Variants in CRYBG1 observed in about 807,000 individuals in gnomAD.
CRYBG1 encodes the protein crystallin beta-gamma domain containing 1.
CRYBG1 carries 139 observed loss-of-function variants against 189.2 expected under a neutral mutation model. The observed-to-expected ratio is 0.73, with a 90% CI of 0.64 to 0.85. The LOEUF is 0.85. CRYBG1 is among the 40% of genes least tolerant of loss of function. CRYBG1 has a pLI of 0.00. For missense variants in CRYBG1, 2,611 were observed against 2,675.8 expected (o/e 0.98, Z 0.53); for synonymous variants, 1,023 against 1,017.1 (o/e 1.01, Z -0.11).
At chr6:106,407,916 A>C (rs559948270) in intron 1 of CRYBG1, among the ~76,000 whole-genome samples, 2 of 152,322 alleles carry the variant, frequency 1.3e-5, no homozygotes, top group African/African-American at 4.8e-5. Context: ...CCACAAGAGA[A>C]AGCAAGAAAG....
intron 10 of CRYBG1, among the ~76,000 whole-genome samples, 195 bp downstream of exon 10, chr6:106,541,816 G>C (rs1774136810): frequency 6.6e-6 from 1 of 152,152 alleles, no homozygotes; most frequent in African/African-American, 2.4e-5. Flanking sequence ...CTTCAGGGTG[G>C]AAGATGATGC....
chr6:106,429,856 G>A (rs1056305338), intron 1 of CRYBG1, among the ~76,000 whole-genome samples: 17 of 152,204 alleles, frequency 1.1e-4, no homozygotes, highest in African/African-American at 3.9e-4. Flanking sequence ...AGCAATCACT[G>A]GATAAAATGT....
At chr6:106,418,940 G>T (rs1029562321) in intron 1 of CRYBG1, among the ~76,000 whole-genome samples, 6 of 152,214 alleles carry the variant, frequency 3.9e-5, no homozygotes, top group African/African-American at 1.2e-4. Flanking sequence ...TTTACATAGG[G>T]CCTAAAGATT....
chr6:106,378,033 C>T (rs920831668), intron 1 of CRYBG1, among the ~76,000 whole-genome samples: 8 of 152,110 alleles, frequency 5.3e-5, no homozygotes, highest in Non-Finnish European at 1.0e-4. Context: ...GCTCCCTAAC[C>T]AGCCTGTTGA....
At chr6:106,433,192 AAAC>A (rs1347849850) in intron 1 of CRYBG1, among the ~76,000 whole-genome samples, 2 of 152,222 alleles carry the variant, frequency 1.3e-5, no homozygotes, top group Non-Finnish European at 2.9e-5. Context: ...ACAAAAAATA[AAAC>A]AACTCTTATT....
intron 2 of CRYBG1, among the ~76,000 whole-genome samples, chr6:106,464,033 C>T (rs571868127): frequency 6.6e-6 from 1 of 152,286 alleles, no homozygotes; most frequent in East Asian, 1.9e-4. Flanking sequence ...AAATGGACAA[C>T]TGTAATTTAA....
intron 1 of CRYBG1, among the ~76,000 whole-genome samples, chr6:106,421,266 A>G (rs1771116810): frequency 6.6e-6 from 1 of 152,218 alleles, no homozygotes; most frequent in Non-Finnish European, 1.5e-5. Context: ...ATAAGAATGG[A>G]GGGAGAACCA....
chr6:106,538,395 G>C (rs959892350), intron 8 of CRYBG1, among the ~76,000 whole-genome samples: 1 of 152,110 alleles, frequency 6.6e-6, no homozygotes, highest in Non-Finnish European at 1.5e-5. Flanking sequence ...CTGATAGAAG[G>C]GTGTGGTATT....
chr6:106,436,714 G>GT (rs1413356124), intron 1 of CRYBG1, among the ~76,000 whole-genome samples: 18 of 152,066 alleles, frequency 1.2e-4, no homozygotes, highest in African/African-American at 4.1e-4. Flanking sequence ...ACCTGAATGG[G>GT]TTTTTTGCAA....
chr6:106,404,616 G>T (rs138153919), intron 1 of CRYBG1, among the ~76,000 whole-genome samples: 1 of 150,912 alleles, frequency 6.6e-6, no homozygotes. Flanking sequence ...GAACAGCTCC[G>T]GTCTGCAGCT....
At chr6:106,367,181 C>G (rs1158266831) in intron 1 of CRYBG1, among the ~76,000 whole-genome samples, 1 of 152,214 alleles carries the variant, frequency 6.6e-6, no homozygotes, top group African/African-American at 2.4e-5. Context: ...TCCACACTTT[C>G]CATCACAATC....
chr6:106,462,356 G>C (rs1293087859), intron 2 of CRYBG1, among the ~76,000 whole-genome samples: 1 of 152,120 alleles, frequency 6.6e-6, no homozygotes, highest in African/African-American at 2.4e-5. Flanking sequence ...ATTTTTAGTA[G>C]AGACAGGGTT....
chr6:106,524,648 C>G (rs1323602378), intron 4 of CRYBG1, among the ~76,000 whole-genome samples: 6 of 152,094 alleles, frequency 3.9e-5, no homozygotes, highest in Non-Finnish European at 5.9e-5. Flanking sequence ...TCTATTTAGA[C>G]TAGTGGTTGT....
intron 3 of CRYBG1, among the ~76,000 whole-genome samples, chr6:106,517,281 A>AAT (rs1262065398): frequency 6.8e-5 from 10 of 147,260 alleles, no homozygotes; most frequent in African/African-American, 2.0e-4. Flanking sequence ...AAAGTACTGG[A>AAT]ATATATATAT....
intron 1 of CRYBG1, among the ~76,000 whole-genome samples, chr6:106,406,213 G>A (rs568568327): frequency 4.7e-4 from 72 of 152,122 alleles, no homozygotes; most frequent in Admixed American, 1.4e-3. Context: ...AAACACACGC[G>A]AGAACTTCGT....
intron 1 of CRYBG1, among the ~76,000 whole-genome samples, chr6:106,361,961 C>CTTTCTTTCTTTCTTTCTTTCTTTCTTTG (rs1562285511): frequency 1.1e-5 from 1 of 87,966 alleles, no homozygotes; most frequent in African/African-American, 6.0e-5. Context: ...CCTTTTATTT[C>CTTTCTTTCTTTCTTTCTTTCTTTCTTTG]TTTCTTTCTT....
chr6:106,555,670 GTTTA>G, intron 16 of CRYBG1, 94 bp from the exon 17 acceptor site: 3 of 1,413,970 alleles, frequency 2.1e-6, no homozygotes, highest in Non-Finnish European at 2.9e-6. Context: ...GAAGCATTGT[GTTTA>G]TTTTATAGCA....
rs746179381 is a variant in CRYBG1 at position 106,447,322 on chromosome 6, A to G, written c.174-4372A>G. ...ACTCATCAGGAGTAAAACTAAAATTAACCCTTTGGGTACAAAAATAATAGA... is the reference window on the plus strand; with the variant it reads ...ACTCATCAGGAGTAAAACTAAAATTGACCCTTTGGGTACAAAAATAATAGA... On this transcript the variant is annotated intron_variant, in intron 1 of 21. Coordinates refer to ENST00000633556, the MANE Select transcript of CRYBG1 (RefSeq NM_001371242.2). Among the ~76,000 whole-genome samples, 35 of 152,178 alleles carry G rather than the reference A, an allele frequency of 2.3e-4. 1 individual carries two copies. Among genetic ancestry groups the G allele is most frequent in the Non-Finnish European group, 4.6e-4 (31 of 68,030 alleles).
chr6:106,540,059 C>T (rs1164325082), intron 9 of CRYBG1, among the ~76,000 whole-genome samples: 1 of 151,804 alleles, frequency 6.6e-6, no homozygotes, highest in East Asian at 1.9e-4. Flanking sequence ...TGCCGTGACA[C>T]GAGTGGGTGG....
Sources: allele counts gnomAD v4.1 joint callset (sites outside exome capture counted in the v4.1 genomes callset), GRCh38; gene constraint gnomAD v4.1.1; transcripts MANE v1.5; gene names NCBI Gene and HGNC (gene_info 2026-07-23, HGNC 2026-07-21).